THRA: variants seen among roughly 807,000 people sequenced by gnomAD.
The protein encoded by THRA is EAR-7.
THRA carries 13 observed loss-of-function variants against 45.0 expected under a neutral mutation model. The observed-to-expected ratio is 0.29, with a 90% CI of 0.19 to 0.46. THRA has a LOEUF of 0.46. Ranked by LOEUF, THRA falls within the 20% of genes least tolerant of loss-of-function variation. The pLI is 1.00. For synonymous variants in THRA, 195 were observed against 214.0 expected (o/e 0.91, Z 0.78); for missense variants, 278 against 556.1 (o/e 0.50, Z 5.03).
In THRA at chr17:40,083,960, C is replaced by G; in HGVS notation, c.348C>G (p.Ile116Met). Residue 116 changes from isoleucine to methionine, a missense_variant, in exon 5 of 9, where the codon ATC becomes ATG. By Grantham distance (10) the Ile-to-Met change is conservative. This residue lies in a region of THRA where 111 missense variants were observed against 167.1 expected (regional missense o/e 0.66). Transcript: ENST00000450525. ...QCQLCRFKKC[I>M]AVGMAMDLVL... ...AGCTGTGCCGCTTCAAGAAGTGCAT[C>G]GCCGTGGGCATGGCCATGGACTGTA... The G allele has an allele frequency of 6.2e-7, 1 of 1,613,496 alleles. No homozygotes were observed. The highest frequency in any genetic ancestry group is 1.1e-5 in the South Asian group (1 of 90,968).
At chr17:40,080,869 C>A (rs1260973482) in intron 4 of THRA, among the ~76,000 whole-genome samples, 1 of 151,784 alleles carries the variant, frequency 6.6e-6, no homozygotes, top group Non-Finnish European at 1.5e-5. Flanking sequence ...ATTACAGGTG[C>A]CTGCCACCTC....
chr17:40,093,855 G>A (rs1448122124), downstream of THRA: 32 of 1,492,896 alleles, frequency 2.1e-5, no homozygotes, highest in Non-Finnish European at 4.7e-6. The surrounding 1 kb of genome is among the most constrained non-coding windows in gnomAD (Gnocchi z 5.9). Context: ...CATAAAAGGT[G>A]TGTTGAATTG....
rs762679464 is a variant in THRA at position 40,089,167 on chromosome 17, G to A, written c.983-39G>A. On this transcript the variant is annotated intron_variant, in intron 8 of 8. Transcript: ENST00000450525. The surrounding 1 kb of genome is among the most constrained non-coding windows in gnomAD (Gnocchi z 6.1). ...TCACCCTCCCCATCTCCAGGCCTTC[G>A]GCCAGCCCCTCGCCCCTCACGCCCC... 38 of 1,599,840 alleles carry A rather than the reference G, an allele frequency of 2.4e-5. No individual in the cohort carries two copies. Among genetic ancestry groups the A allele is most frequent in the Non-Finnish European group, 3.1e-5 (36 of 1,171,406 alleles).
chr17:40,087,434 C>G (rs547386282), intron 7 of THRA, among the ~76,000 whole-genome samples: 2 of 149,074 alleles, frequency 1.3e-5, no homozygotes, highest in Non-Finnish European at 3.0e-5. Context: ...ACACACACAC[C>G]TAGCAGACAC....
chr17:40,087,587 C>T lies in THRA; in HGVS notation c.724-655C>T, dbSNP rs56220745. On this transcript the variant is annotated intron_variant, in intron 7 of 8. Coordinates refer to ENST00000450525, the MANE Select transcript of THRA (RefSeq NM_199334.5). ...CAGCCCCTCATCCTTCAAGTCTATGCGGCCACCCAACTCCAGGCAGCCTGA... is the reference window on the plus strand; with the variant it reads ...CAGCCCCTCATCCTTCAAGTCTATGTGGCCACCCAACTCCAGGCAGCCTGA... Among the ~76,000 whole-genome samples, 303 of 152,278 alleles carry T rather than the reference C, an allele frequency of 2.0e-3. 1 individual carries two copies. The highest frequency in any genetic ancestry group is 6.6e-3 in the African/African-American group (274 of 41,548).
chr17:40,075,363 C>T (rs997960898), intron 2 of THRA, among the ~76,000 whole-genome samples: 2 of 152,110 alleles, frequency 1.3e-5, no homozygotes, highest in African/African-American at 2.4e-5. Flanking sequence ...GATCAGATCC[C>T]GAGCCAGGAA....
In THRA at chr17:40,090,102, G is replaced by A. The variant is rs1987477759; in HGVS notation, c.*646G>A. 1.1e-6 allele frequency: 1 copy of A among 916,700 alleles called. No individual in the cohort carries two copies. The highest frequency in any genetic ancestry group is 1.3e-6 in the Non-Finnish European group (1 of 767,210). 56.8% of individuals were successfully genotyped at this position (916,700 alleles called of 1,614,324 possible). A position where few individuals can be genotyped will look rare whatever the true frequency, so the allele number is the denominator to read the frequency against. On this transcript the variant is annotated 3_prime_UTR_variant, in exon 9 of 9. Coordinates refer to ENST00000450525, the MANE Select transcript of THRA (RefSeq NM_199334.5). ...TGATATTAAGTTATTAACTGAGGCT[G>A]ACCAGAGGGGAGGACCCCCCCTTTA...
In THRA at chr17:40,084,456, G is replaced by A. The variant is rs1987252443; in HGVS notation, c.371-154G>A. ...CCGGGGATTAATCATGATCCGGGTT[G>A]TGCTGCCCAACTGCTAGGTGATTTG... is the stretch of plus-strand genomic sequence containing the variant. On this transcript the variant is annotated intron_variant, in intron 5 of 8. Transcript: ENST00000450525. 3.9e-6 allele frequency: 3 copies of A among 768,828 alleles called. No homozygotes were observed. In the Admixed American group the frequency reaches 7.0e-5, roughly 18 times the overall value. 47.6% of individuals were successfully genotyped at this position (768,828 alleles called of 1,614,324 possible). A position where few individuals can be genotyped will look rare whatever the true frequency, so the allele number is the denominator to read the frequency against.
At chr17:40,076,099 G>A (rs1223234698) in intron 2 of THRA, among the ~76,000 whole-genome samples, 3 of 152,250 alleles carry the variant, frequency 2.0e-5, no homozygotes, top group Non-Finnish European at 4.4e-5. Context: ...TATATGTGCA[G>A]TGGCTGAGGG....
rs749894010 is a variant in THRA, at chr17:40,086,842, A to G, written c.712A>G (p.Met238Val). The G allele has an allele frequency of 2.5e-6, 4 of 1,613,936 alleles. No homozygotes were observed. Among genetic ancestry groups the G allele is most frequent in the African/African-American group, 1.3e-5 (1 of 74,882 alleles). Residue 238 changes from methionine to valine, a missense_variant, in exon 7 of 9, where the codon ATG becomes GTG. Around this residue, in one of 6 missense-constraint regions of THRA, gnomAD observed 33 missense variants for 133.2 expected, o/e 0.25. Transcript: ENST00000450525. ...GGTGGACTTTGCCAAAAAACTGCCC[A>G]TGTTCTCCGAGGTGAGTGGCAGAAG... ...RVVDFAKKLPMFSELPCEDQI... is the reference protein window; with the variant it reads ...RVVDFAKKLPVFSELPCEDQI...
At chr17:40,077,216 T>C (rs1412324642) in intron 3 of THRA, among the ~76,000 whole-genome samples, 1 of 152,178 alleles carries the variant, frequency 6.6e-6, no homozygotes, top group African/African-American at 2.4e-5. Flanking sequence ...ACTGAGGGGC[T>C]GTATTATCCC....
At chr17:40,065,231 G>GT (rs1986511483) in intron 1 of THRA, among the ~76,000 whole-genome samples, 1 of 152,010 alleles carries the variant, frequency 6.6e-6, no homozygotes, top group Admixed American at 6.6e-5. Context: ...AAGCTCAGGG[G>GT]TGTCTAACTG....
chr17:40,068,768 G>C (rs1402030), intron 1 of THRA: 50,536 of 152,116 alleles, frequency 0.33, 9,657 homozygotes, highest in African/African-American at 0.52. Context: ...CTAAAGAAGA[G>C]ATCGGCTCTT....
chr17:40,092,496 A>G lies in THRA; in HGVS notation c.*3040A>G, dbSNP rs1339063643. ...CTACTCCTGCCCCACGTTGACAATC[A>G]GTATGTCTGTTATGTGCGATTTTTC... On this transcript the variant is annotated 3_prime_UTR_variant, in exon 9 of 9. Transcript: ENST00000450525. The G allele has an allele frequency of 6.5e-6, 1 of 153,168 alleles. No homozygotes were observed. The highest frequency in any genetic ancestry group is 1.5e-5 in the Non-Finnish European group (1 of 68,824). 9.5% of individuals were successfully genotyped at this position (153,168 alleles called of 1,614,324 possible). A position where few individuals can be genotyped will look rare whatever the true frequency, so the allele number is the denominator to read the frequency against.
At chr17:40,084,483 G>T (rs780971762) in intron 5 of THRA, 127 bp from the exon 6 acceptor site, 13 of 1,013,102 alleles carry the variant, frequency 1.3e-5, no homozygotes, top group Non-Finnish European at 1.9e-5. Context: ...GGTGATTTGG[G>T]AAGTCATTTA....
rs1262101739 is a variant in THRA at position 40,068,010 on chromosome 17, A to AC, written c.-298+4924dup. ...ACTCTAGCCTGAACAACAGAGTGAGACCCCCCACACACACATCCTCTCAAA... is the reference window on the plus strand; with the variant it reads ...ACTCTAGCCTGAACAACAGAGTGAGACCCCCCCACACACACATCCTCTCAAA... On this transcript the variant is annotated intron_variant, in intron 1 of 8. Coordinates refer to ENST00000450525, the MANE Select transcript of THRA (RefSeq NM_199334.5). Among the ~76,000 whole-genome samples, 5 of 151,980 alleles carry AC rather than the reference A, an allele frequency of 3.3e-5. No homozygotes were observed. In the South Asian group the frequency reaches 6.2e-4, roughly 19 times the overall value.
In THRA at chr17:40,090,767, G is replaced by A. The variant is rs1332582040; in HGVS notation, c.*1311G>A. 6.6e-6 allele frequency: 1 copy of A among 152,254 alleles called. No individual in the cohort carries two copies. Among genetic ancestry groups the A allele is most frequent in the Non-Finnish European group, 1.5e-5 (1 of 68,148 alleles). The allele number at this position is 152,254 out of a possible 1,614,324, so 9.4% of individuals were successfully genotyped here. A position where few individuals can be genotyped will look rare whatever the true frequency, so the allele number is the denominator to read the frequency against. On this transcript the variant is annotated 3_prime_UTR_variant, in exon 9 of 9. Transcript: ENST00000450525. The stretch of plus-strand genomic sequence containing the variant: ...ACACTTAGTTGGGGCCCCAGGGGAG[G>A]GGTGGTCGGTGCTCCTTTTTCTTTA...
chr17:40,078,007 T>C (rs1010682208), intron 4 of THRA, among the ~76,000 whole-genome samples: 1 of 152,208 alleles, frequency 6.6e-6, no homozygotes, highest in African/African-American at 2.4e-5. Context: ...TCTTCTCTTC[T>C]CTTATTCATT....
At chr17:40,072,606 C>T (rs1986816040) in intron 1 of THRA, among the ~76,000 whole-genome samples, 1 of 152,150 alleles carries the variant, frequency 6.6e-6, no homozygotes, top group Non-Finnish European at 1.5e-5. Context: ...GACAGACAGA[C>T]AGACATGCAG....
Sources: gnomAD v4.1 joint callset for allele counts (sites outside exome capture counted in the v4.1 genomes callset) on GRCh38, gnomAD v4.1.1 for gene constraint, gnomAD v4.1.1 regional missense constraint, Gnocchi (gnomAD v3.1) non-coding constraint, MANE v1.5 for transcripts, NCBI Gene and HGNC (gene_info 2026-07-23, HGNC 2026-07-21) for gene names.